Variants in FANCI observed in about 807,000 individuals in gnomAD.
FANCI encodes the protein FA complementation group I.
A neutral mutation model predicts 176.1 loss-of-function variants in FANCI; 156 were observed. The observed-to-expected ratio is 0.89, with a 90% CI of 0.78 to 1.01. The LOEUF (loss-of-function observed/expected upper bound fraction) is 1.01, where lower values mean the gene tolerates loss of function less well. Ranked by LOEUF, FANCI falls within the 50% of genes least tolerant of loss-of-function variation. The pLI is 0.00. For missense variants in FANCI, 1,678 were observed against 1,534.1 expected, an observed-to-expected ratio of 1.09 and a Z score of -1.57; for synonymous variants, 613 against 541.7, an observed-to-expected ratio of 1.13 and a Z score of -1.83.
At chr15:89,293,409 AGGTGC>A (rs1169015177) in intron 22 of FANCI, among the ~76,000 whole-genome samples, 2 of 152,212 alleles carry the variant, frequency 1.3e-5, no homozygotes, top group South Asian at 4.1e-4. Flanking sequence ...AGGGGAGGCC[AGGTGC>A]GGTGGCTCAC....
At position 89,247,484 on chromosome 15, in the gene FANCI, G is replaced by T. The variant is rs374075835; in HGVS notation, c.-19-145G>T. 2.7e-4 allele frequency: 179 copies of T among 654,894 alleles called. No homozygotes were observed. In the East Asian group the frequency reaches 3.2e-3, roughly 12 times the overall value. The allele number at this position is 654,894 out of a possible 1,614,324, so 40.6% of individuals were successfully genotyped here. ...TGAGCTTAAGAAGAAGAAGAAAAAAGAATCAGCTACTTAAAGATAGTCCTA... is the reference window on the plus strand; with the variant it reads ...TGAGCTTAAGAAGAAGAAGAAAAAATAATCAGCTACTTAAAGATAGTCCTA... On this transcript the variant is annotated intron_variant, in intron 1 of 37. Coordinates refer to ENST00000310775, the MANE Select transcript of FANCI (RefSeq NM_001113378.2).
chr15:89,314,848 C>A (rs865971270), intron 36 of FANCI, 141 bp downstream of exon 36: 5 of 469,548 alleles, frequency 1.1e-5, no homozygotes, highest in South Asian at 4.6e-5. Context: ...CCCCCCCCCC[C>A]CTTTTTTTTT....
chr15:89,249,084 A>G (rs551617656), intron 2 of FANCI, among the ~76,000 whole-genome samples: 2 of 152,172 alleles, frequency 1.3e-5, no homozygotes, highest in African/African-American at 2.4e-5. Flanking sequence ...GTTTTACTCC[A>G]TCAAGATCAT....
intron 14 of FANCI, among the ~76,000 whole-genome samples, chr15:89,280,379 T>G (rs191029834): frequency 6.6e-6 from 1 of 152,322 alleles, no homozygotes; most frequent in East Asian, 1.9e-4. Context: ...CCACCCTACC[T>G]TTCCATTGTT....
chr15:89,316,155 C>A (rs2055242911), intron 37 of FANCI: 2 of 547,266 alleles, frequency 3.7e-6, no homozygotes. Context: ...CATTTTGTCC[C>A]ATAAGTATCC....
At chr15:89,253,793 G>T (rs1328995601) in intron 2 of FANCI, among the ~76,000 whole-genome samples, 5 of 139,430 alleles carry the variant, frequency 3.6e-5, no homozygotes, top group Admixed American at 7.4e-5. Flanking sequence ...TTGTGGGGGG[G>T]GGGGGGAAGA....
intron 24 of FANCI, among the ~76,000 whole-genome samples, chr15:89,297,096 C>T (rs2054319741): frequency 6.7e-6 from 1 of 149,948 alleles, no homozygotes; most frequent in Non-Finnish European, 1.5e-5. Context: ...GGCTGCCGGG[C>T]GGAGGGGCTC....
intron 36 of FANCI, 141 bp downstream of exon 36, chr15:89,314,848 C>CT (rs2055152052): frequency 2.1e-4 from 97 of 469,252 alleles, no homozygotes; most frequent in Middle Eastern, 1.2e-3. Context: ...CCCCCCCCCC[C>CT]CTTTTTTTTT....
chr15:89,294,798 AC>A, intron 23 of FANCI, 116 bp from the exon 24 acceptor site: 2 of 1,060,054 alleles, frequency 1.9e-6, no homozygotes, highest in Non-Finnish European at 1.3e-6. Flanking sequence ...GTCGGAACTT[AC>A]TGGCAAGCTC....
intron 9 of FANCI, among the ~76,000 whole-genome samples, chr15:89,266,883 A>G (rs769354958): frequency 1.3e-5 from 2 of 151,782 alleles, no homozygotes; most frequent in Non-Finnish European, 2.9e-5. Flanking sequence ...TGACCACACT[A>G]GGTTTGAGAT....
chr15:89,285,187 A>T lies in FANCI; in HGVS notation c.1790A>T (p.Gln597Leu). ...IMDSLRRCLSQQADVRLMLYE... is the reference protein window; with the variant it reads ...IMDSLRRCLSLQADVRLMLYE... ...GATAGTTTGAGGAGATGCTTAAGCC[A>T]GCAAGCTGATGTTCGACTCATGCTT... is the stretch of plus-strand genomic sequence containing the variant. The change falls in exon 18 of 38, where the codon CAG becomes CTG. Residue 597 changes from glutamine (Q) to leucine (L), a missense_variant. Physicochemically the swap from Gln to Leu is moderately radical, Grantham distance 113 (BLOSUM62 -2). This residue lies in a region of FANCI where 1,204 missense variants were observed against 1,077.4 expected (regional missense o/e 1.12). Coordinates refer to ENST00000310775, the MANE Select transcript of FANCI (RefSeq NM_001113378.2). 1 of 1,614,220 alleles carries T rather than the reference A, an allele frequency of 6.2e-7. No individual in the cohort carries two copies.
intron 32 of FANCI, among the ~76,000 whole-genome samples, chr15:89,306,463 G>A (rs1205435974): frequency 1.3e-5 from 2 of 152,046 alleles, no homozygotes; most frequent in East Asian, 1.9e-4. Context: ...AGGCTGAGAC[G>A]GGCGGATCAC....
intron 2 of FANCI, among the ~76,000 whole-genome samples, chr15:89,252,229 G>C (rs918287048): frequency 6.6e-6 from 1 of 151,700 alleles, no homozygotes; most frequent in Non-Finnish European, 1.5e-5. Context: ...GAACCTGGGA[G>C]GTGGAGGTTG....
At chr15:89,314,570 C>A (rs761103243) in intron 35 of FANCI, 42 bp from the exon 36 acceptor site, 1 of 1,473,668 alleles carries the variant, frequency 6.8e-7, no homozygotes, top group South Asian at 1.1e-5. Flanking sequence ...ACTTCAAAAA[C>A]CATTGAACCT....
At chr15:89,280,803 A>G (rs2151543695) in intron 14 of FANCI, among the ~76,000 whole-genome samples, 1 of 152,318 alleles carries the variant, frequency 6.6e-6, no homozygotes, top group East Asian at 1.9e-4. Context: ...TTATACTTTT[A>G]TGTTCCTAAT....
At chr15:89,251,708 A>T (rs1037009888) in intron 2 of FANCI, among the ~76,000 whole-genome samples, 1 of 152,224 alleles carries the variant, frequency 6.6e-6, no homozygotes, top group African/African-American at 2.4e-5. Flanking sequence ...CAGTATTTGA[A>T]AGTATATTAC....
chr15:89,309,274 G>T lies in FANCI; in HGVS notation c.3651+1602G>T, dbSNP rs1049187536. Among the ~76,000 whole-genome samples the T allele has an allele frequency of 7.6e-4, 115 of 152,020 alleles. 3 individuals are homozygous for T. The highest frequency in any genetic ancestry group is 2.2e-4 in the Non-Finnish European group (15 of 68,034). On this transcript the variant is annotated intron_variant, in intron 34 of 37. Transcript: ENST00000310775. The stretch of plus-strand genomic sequence containing the variant: ...TTGTCTATATATAGGATATATATCT[G>T]TCCATTCCCATATTTGGGTTTTGAG...
chr15:89,304,781 T>C (rs1596323664), intron 28 of FANCI, among the ~76,000 whole-genome samples: 1 of 151,950 alleles, frequency 6.6e-6, no homozygotes, highest in South Asian at 2.1e-4. Context: ...ACTTAACTTT[T>C]TTTTTTTTTT....
At position 89,305,347 on chromosome 15, in the gene FANCI, GAGGTGGAGAAAACA is replaced by G; in HGVS notation, c.3195_3208del (p.Val1066ProfsTer37). 6.2e-7 allele frequency: 1 copy of G among 1,614,186 alleles called. No individual in the cohort carries two copies. The highest frequency in any genetic ancestry group is 8.5e-7 in the Non-Finnish European group (1 of 1,180,040). On this transcript the variant is annotated frameshift_variant, in exon 30 of 38. Coordinates refer to ENST00000310775, the MANE Select transcript of FANCI (RefSeq NM_001113378.2). LOFTEE classifies it high-confidence loss of function. ...CCTCTCTTCTTTTCCCCAGGATGTA[GAGGTGGAGAAAACA>G]AACCACTTTGCAATAGTGAATTTGA...
Sources: allele counts gnomAD v4.1 joint callset (sites outside exome capture counted in the v4.1 genomes callset), GRCh38; gene constraint gnomAD v4.1.1; regional missense constraint gnomAD v4.1.1; transcripts MANE v1.5; gene names NCBI Gene and HGNC (gene_info 2026-07-23, HGNC 2026-07-21).